Variants in IGFBP5 observed in about 807,000 individuals in gnomAD.
IGFBP5 encodes insulin like growth factor binding protein 5.
A neutral mutation model predicts 28.0 loss-of-function variants in IGFBP5; 12 were observed. That is an observed-to-expected ratio of 0.43 (90% CI 0.27 to 0.69). IGFBP5 has a LOEUF of 0.69. IGFBP5 is among the 30% of genes least tolerant of loss of function. The pLI, the probability that IGFBP5 is intolerant of heterozygous loss-of-function variation, is 0.20. For missense variants in IGFBP5, 344 were observed against 381.6 expected (o/e 0.90, Z 0.82); for synonymous variants, 152 against 150.2 (o/e 1.01, Z -0.09).
At position 216,679,669 on chromosome 2, in the gene IGFBP5, G is replaced by C. The variant is rs546770419; in HGVS notation, c.338-590C>G. On this transcript the variant is annotated intron_variant, in intron 1 of 3. Coordinates refer to ENST00000233813, the MANE Select transcript of IGFBP5 (RefSeq NM_000599.4). The surrounding 1 kb of genome is among the most constrained non-coding windows in gnomAD (Gnocchi z 4.6). The stretch of plus-strand genomic sequence containing the variant: ...TAGGAGGAGGGGGTCCTGGGGTCTG[G>C]AGCAGCAGGGTGGTGAGGACCTTCA... Among the ~76,000 whole-genome samples, 2 of 152,176 alleles carry C rather than the reference G, an allele frequency of 1.3e-5. No homozygotes were observed. Among genetic ancestry groups the C allele is most frequent in the South Asian group, 4.2e-4 (2 of 4,810 alleles).
Position 216,679,259 on chromosome 2 carries a change from T to C in IGFBP5, c.338-180A>G, listed in dbSNP as rs1411034252. On this transcript the variant is annotated intron_variant, in intron 1 of 3. Coordinates refer to ENST00000233813, the MANE Select transcript of IGFBP5 (RefSeq NM_000599.4). The surrounding 1 kb of genome is among the most constrained non-coding windows in gnomAD (Gnocchi z 4.6). ...AACCAGGAAGCAGAGGGAATGCTCA[T>C]TTAAGTGGCAGGAAGTTTCTGGCAT... The C allele has an allele frequency of 7.8e-6, 5 of 637,132 alleles. No individual in the cohort carries two copies. The highest frequency in any genetic ancestry group is 1.4e-5 in the Non-Finnish European group (5 of 350,052). The allele number at this position is 637,132 out of a possible 1,614,324, so 39.5% of individuals were successfully genotyped here. A position where few individuals can be genotyped will look rare whatever the true frequency, so the allele number is the denominator to read the frequency against.
chr2:216,687,238 C>A (rs11575150), intron 1 of IGFBP5, among the ~76,000 whole-genome samples: 3 of 152,214 alleles, frequency 2.0e-5, no homozygotes, highest in Non-Finnish European at 4.4e-5. Flanking sequence ...TCTCCGGACC[C>A]GTCTCCACTT....
chr2:216,683,240 G>A (rs576073621), intron 1 of IGFBP5, among the ~76,000 whole-genome samples: 27 of 152,294 alleles, frequency 1.8e-4, no homozygotes, highest in South Asian at 1.7e-3. Context: ...AGGATTGCTT[G>A]AGCCCGGAAG....
rs550246837 is a variant in IGFBP5 at position 216,673,091 on chromosome 2, C to G, written c.*3660G>C. On this transcript the variant is annotated 3_prime_UTR_variant, in exon 4 of 4. Coordinates refer to ENST00000233813, the MANE Select transcript of IGFBP5 (RefSeq NM_000599.4). This position sits in a 1 kb window ranked among gnomAD's most constrained non-coding sequence, Gnocchi z 4.3. ...CTGAGGTTCCCATTCTGGGCCGGAG[C>G]CCTCTCAGGAGTGAGTGGATGGGTC... 1 of 152,478 alleles carries G rather than the reference C, an allele frequency of 6.6e-6. No individual in the cohort carries two copies. The highest frequency in any genetic ancestry group is 1.5e-5 in the Non-Finnish European group (1 of 68,102). The allele number at this position is 152,478 out of a possible 1,614,324, so 9.4% of individuals were successfully genotyped here.
chr2:216,672,509 G>C lies in IGFBP5; in HGVS notation c.*4242C>G, dbSNP rs768639765. ...TACAGTAATATGTACTGTGGTTATT[G>C]CTGTCTTCAAAAAAAAAAAGAAAAA... On this transcript the variant is annotated 3_prime_UTR_variant, in exon 4 of 4. Coordinates refer to ENST00000233813, the MANE Select transcript of IGFBP5 (RefSeq NM_000599.4). 2 of 150,856 alleles carry C rather than the reference G, an allele frequency of 1.3e-5. No individual in the cohort carries two copies. The highest frequency in any genetic ancestry group is 3.0e-5 in the Non-Finnish European group (2 of 67,722). The allele number at this position is 150,856 out of a possible 1,614,324, so 9.3% of individuals were successfully genotyped here.
At chr2:216,684,879 C>T (rs996001116) in intron 1 of IGFBP5, among the ~76,000 whole-genome samples, 2 of 152,148 alleles carry the variant, frequency 1.3e-5, no homozygotes, top group Admixed American at 6.5e-5. Flanking sequence ...GCAAGATAAC[C>T]CTGCCGCAGG....
chr2:216,678,989 C>A lies in IGFBP5; in HGVS notation c.428G>T (p.Arg143Leu), dbSNP rs145995835. The A allele has an allele frequency of 1.9e-6, 3 of 1,613,958 alleles. No homozygotes were observed. In the African/African-American group the frequency reaches 4.0e-5, roughly 22 times the overall value. Reference sequence around the variant, plus strand: ...TGCTTCAGCCTTCAGCTCGGAGATGCGGGTGTGTTTGGGCCGGAAGATCTT... The same window carrying A: ...TGCTTCAGCCTTCAGCTCGGAGATGAGGGTGTGTTTGGGCCGGAAGATCTT... ...SPKIFRPKHT[R>L]ISELKAEAVK... Residue 143 changes from arginine to leucine, a missense_variant, in exon 2 of 4, where the codon CGC becomes CTC. By Grantham distance (102) the Arg-to-Leu change is moderately radical (BLOSUM62 -2). Coordinates refer to ENST00000233813, the MANE Select transcript of IGFBP5 (RefSeq NM_000599.4).
intron 1 of IGFBP5, among the ~76,000 whole-genome samples, chr2:216,693,980 CCTCT>C (rs1246256851): frequency 1.3e-5 from 2 of 151,696 alleles, no homozygotes; most frequent in African/African-American, 4.8e-5. Context: ...ATAGGTAATG[CCTCT>C]CTCTCCAGGC....
chr2:216,679,373 A>G lies in IGFBP5; in HGVS notation c.338-294T>C, dbSNP rs1574578355. On this transcript the variant is annotated intron_variant, in intron 1 of 3. Transcript: ENST00000233813. The surrounding 1 kb of genome is among the most constrained non-coding windows in gnomAD (Gnocchi z 4.6). ...ACAGACTGATGGGTGAGGACGGAGC[A>G]GGCCTTCTGGGGGCAGTAAGGAGGA... is the stretch of plus-strand genomic sequence containing the variant. 1.3e-5 allele frequency among the ~76,000 whole-genome samples: 2 copies of G among 152,094 alleles called. No homozygotes were observed. The highest frequency in any genetic ancestry group is 4.8e-5 in the African/African-American group (2 of 41,418).
At chr2:216,691,300 C>T (rs1035526045) in intron 1 of IGFBP5, among the ~76,000 whole-genome samples, 2 of 152,212 alleles carry the variant, frequency 1.3e-5, no homozygotes, top group Non-Finnish European at 2.9e-5. Flanking sequence ...AAGCCAGAAC[C>T]CACGGCTCCC....
chr2:216,678,261 C>T (rs377125272), intron 2 of IGFBP5, 30 bp from the exon 3 acceptor site: 187 of 1,492,922 alleles, frequency 1.3e-4, no homozygotes, highest in African/African-American at 4.9e-4. Context: ...AGAGGCGTGG[C>T]GAGACCAAGG....
chr2:216,691,189 G>C (rs1299802840), intron 1 of IGFBP5, among the ~76,000 whole-genome samples: 1 of 152,192 alleles, frequency 6.6e-6, no homozygotes, highest in East Asian at 1.9e-4. Flanking sequence ...CCTCAAAGAA[G>C]CAAAGGCTGA....
Position 216,676,538 on chromosome 2 carries a change from G to A in IGFBP5, c.*213C>T, listed in dbSNP as rs1317320468. The A allele has an allele frequency of 1.1e-5, 4 of 358,676 alleles. No homozygotes were observed. The highest frequency in any genetic ancestry group is 2.0e-5 in the Non-Finnish European group (4 of 196,374). 22.2% of individuals were successfully genotyped at this position (358,676 alleles called of 1,614,324 possible). A position where few individuals can be genotyped will look rare whatever the true frequency, so the allele number is the denominator to read the frequency against. ...AAAGAAAACCATTTAAAGGGGGGGG[G>A]TGTCTTTTTAGCTTTTTGCATCTCT... On this transcript the variant is annotated 3_prime_UTR_variant, in exon 4 of 4. Transcript: ENST00000233813.
chr2:216,680,894 C>T (rs1352077829), intron 1 of IGFBP5, among the ~76,000 whole-genome samples: 6 of 152,122 alleles, frequency 3.9e-5, no homozygotes, highest in East Asian at 1.9e-4. Context: ...CCCAGTACCT[C>T]GATTCTGCTC....
intron 1 of IGFBP5, among the ~76,000 whole-genome samples, chr2:216,683,625 G>A (rs952635544): frequency 9.9e-5 from 15 of 152,148 alleles, no homozygotes; most frequent in African/African-American, 3.6e-4. Flanking sequence ...GATCCAGGAA[G>A]GAAGAGAGAC....
At position 216,676,521 on chromosome 2, in the gene IGFBP5, C is replaced by A; in HGVS notation, c.*230G>T. On this transcript the variant is annotated 3_prime_UTR_variant, in exon 4 of 4. Coordinates refer to ENST00000233813, the MANE Select transcript of IGFBP5 (RefSeq NM_000599.4). ...CATCCAACTTGCCTCAAAAAGAAAA[C>A]CATTTAAAGGGGGGGGGTGTCTTTT... 1 of 314,520 alleles carries A rather than the reference C, an allele frequency of 3.2e-6. No homozygotes were observed. The highest frequency in any genetic ancestry group is 7.5e-5 in the East Asian group (1 of 13,420). The allele number at this position is 314,520 out of a possible 1,614,324, so 19.5% of individuals were successfully genotyped here.
intron 1 of IGFBP5, among the ~76,000 whole-genome samples, chr2:216,684,041 C>G (rs961192610): frequency 1.3e-5 from 2 of 152,224 alleles, no homozygotes; most frequent in Non-Finnish European, 2.9e-5. Context: ...GAGGATTGCA[C>G]CATCCTCTAT....
chr2:216,677,108 CTT>C (rs376983056), intron 3 of IGFBP5, among the ~76,000 whole-genome samples: 3 of 144,876 alleles, frequency 2.1e-5, no homozygotes, highest in Non-Finnish European at 1.5e-5. Flanking sequence ...CCTTTCTTTC[CTT>C]TTTTTTTTTT....
chr2:216,680,992 T>C (rs375921481), intron 1 of IGFBP5, among the ~76,000 whole-genome samples: 3 of 152,128 alleles, frequency 2.0e-5, no homozygotes, highest in Non-Finnish European at 2.9e-5. Context: ...AAAAGGGTCA[T>C]GTTCTGGGGT....
Sources: gnomAD v4.1 joint callset for allele counts (sites outside exome capture counted in the v4.1 genomes callset) on GRCh38, gnomAD v4.1.1 for gene constraint, Gnocchi (gnomAD v3.1) non-coding constraint, MANE v1.5 for transcripts, NCBI Gene and HGNC (gene_info 2026-07-23, HGNC 2026-07-21) for gene names.